The following FAM117B variants were observed in gnomAD, a reference collection of about 807,000 sequenced individuals.
The protein encoded by FAM117B is protein FAM117B.
In FAM117B, 22 loss-of-function variants were observed where a neutral mutation model predicts 52.8. The observed-to-expected ratio is 0.42, with a 90% CI of 0.30 to 0.59. The LOEUF (loss-of-function observed/expected upper bound fraction) is 0.59, where lower values mean the gene tolerates loss of function less well. Ranked by LOEUF, FAM117B falls within the 20% of genes least tolerant of loss-of-function variation. FAM117B has a pLI of 0.22. For synonymous variants in FAM117B, 309 were observed against 324.1 expected (o/e 0.95, Z 0.50); for missense variants, 678 against 802.6 (o/e 0.84, Z 1.88).
At chr2:202,673,433 G>GGTTTT (rs1690328728) in intron 1 of FAM117B, among the ~76,000 whole-genome samples, 1 of 37,510 alleles carries the variant, frequency 2.7e-5, no homozygotes, top group African/African-American at 1.6e-4. Context: ...TTCTTTTTCT[G>GGTTTT]TTTTTTTTTT....
chr2:202,712,419 C>CTTTTTTTTTTTTTTTT (rs1186703318), intron 2 of FAM117B, among the ~76,000 whole-genome samples: 1 of 89,458 alleles, frequency 1.1e-5, no homozygotes, highest in Non-Finnish European at 2.1e-5. Flanking sequence ...TATCAGCTCT[C>CTTTTTTTTTTTTTTTT]TTTTTTTTTT....
At chr2:202,656,569 AC>A (rs1690060330) in intron 1 of FAM117B, among the ~76,000 whole-genome samples, 1 of 152,138 alleles carries the variant, frequency 6.6e-6, no homozygotes, top group Non-Finnish European at 1.5e-5. Context: ...CAGAGAGCAT[AC>A]CTTATTTTAT....
At chr2:202,752,963 A>G (rs1691748736) in intron 4 of FAM117B, among the ~76,000 whole-genome samples, 2 of 152,230 alleles carry the variant, frequency 1.3e-5, no homozygotes, top group Non-Finnish European at 2.9e-5. Flanking sequence ...TATAGATTCA[A>G]TGCTATTCCC....
chr2:202,638,117 C>T (rs1689715063), intron 1 of FAM117B, among the ~76,000 whole-genome samples: 1 of 152,120 alleles, frequency 6.6e-6, no homozygotes, highest in South Asian at 2.1e-4. Flanking sequence ...CTCAGGTGAC[C>T]TGCCGACCTC....
At chr2:202,751,293 G>A (rs1385754392) in intron 4 of FAM117B, among the ~76,000 whole-genome samples, 1 of 152,120 alleles carries the variant, frequency 6.6e-6, no homozygotes, top group African/African-American at 2.4e-5. Context: ...GTGACTTAAA[G>A]TTTTATTGTC....
At chr2:202,752,074 C>G (rs1691733175) in intron 4 of FAM117B, among the ~76,000 whole-genome samples, 1 of 150,658 alleles carries the variant, frequency 6.6e-6, no homozygotes, top group African/African-American at 2.4e-5. Flanking sequence ...TTAGGAGACA[C>G]TATATGTGAA....
chr2:202,727,968 G>T (rs1243552344), intron 4 of FAM117B, among the ~76,000 whole-genome samples: 2 of 151,972 alleles, frequency 1.3e-5, no homozygotes, highest in Non-Finnish European at 2.9e-5. Flanking sequence ...GATTTCACAG[G>T]TTTATAGAGA....
At chr2:202,723,900 G>A (rs1460573942) in intron 2 of FAM117B, among the ~76,000 whole-genome samples, 1 of 152,078 alleles carries the variant, frequency 6.6e-6, no homozygotes, top group Non-Finnish European at 1.5e-5. Context: ...GTTTATATTA[G>A]CAAATTGCTC....
chr2:202,682,845 A>G (rs2105770974), intron 1 of FAM117B, among the ~76,000 whole-genome samples: 1 of 152,358 alleles, frequency 6.6e-6, no homozygotes, highest in African/African-American at 2.4e-5. Context: ...CTGAATGGTA[A>G]TGAAAGCACA....
At chr2:202,689,548 C>T (rs780737668) in intron 1 of FAM117B, among the ~76,000 whole-genome samples, 4 of 152,158 alleles carry the variant, frequency 2.6e-5, no homozygotes, top group Non-Finnish European at 4.4e-5. Context: ...AAAAATTTCT[C>T]TCCTTTCTGA....
intron 2 of FAM117B, among the ~76,000 whole-genome samples, chr2:202,713,795 C>G (rs183890201): frequency 6.6e-6 from 1 of 152,294 alleles, no homozygotes; most frequent in Non-Finnish European, 1.5e-5. Context: ...CAACCTCCAC[C>G]TCCTGGGTTC....
At chr2:202,648,527 C>CG (rs202023453) in intron 1 of FAM117B, among the ~76,000 whole-genome samples, 1 of 130,582 alleles carries the variant, frequency 7.7e-6, no homozygotes, top group African/African-American at 2.9e-5. Flanking sequence ...CACCCCCCCC[C>CG]CAAAACAAAA....
intron 4 of FAM117B, among the ~76,000 whole-genome samples, chr2:202,732,813 T>C (rs1348828279): frequency 6.8e-6 from 1 of 147,452 alleles, no homozygotes; most frequent in Non-Finnish European, 1.5e-5. Flanking sequence ...AGAGTGAGAC[T>C]CCATCTCAAT....
At chr2:202,683,154 C>A (rs745508314) in intron 1 of FAM117B, among the ~76,000 whole-genome samples, 11 of 152,066 alleles carry the variant, frequency 7.2e-5, no homozygotes, top group Non-Finnish European at 1.2e-4. Context: ...AAGGTGAAAC[C>A]CCATCTCTGC....
chr2:202,642,751 T>C (rs538940752), intron 1 of FAM117B, among the ~76,000 whole-genome samples: 4 of 152,282 alleles, frequency 2.6e-5, no homozygotes, highest in Admixed American at 1.3e-4. Flanking sequence ...AACATGTACA[T>C]CATGCTAGGC....
At position 202,678,516 on chromosome 2, in the gene FAM117B, G is replaced by T. The variant is rs555499759; in HGVS notation, c.602-17365G>T. ...AGCCATGTTGCCAGGCACATGTTGG[G>T]GCAAGGAAGAAGACAGTGGGAATCT... On this transcript the variant is annotated intron_variant, in intron 1 of 7. Transcript: ENST00000392238. 2.4e-4 allele frequency among the ~76,000 whole-genome samples: 37 copies of T among 152,260 alleles called. No homozygotes were observed. The South Asian group carries it at 7.5e-3, about 31-fold the overall frequency.
At chr2:202,723,221 T>A (rs146620751) in intron 2 of FAM117B, among the ~76,000 whole-genome samples, 1 of 152,302 alleles carries the variant, frequency 6.6e-6, no homozygotes, top group Non-Finnish European at 1.5e-5. Flanking sequence ...CTAATTAGAA[T>A]CACAGTGTCT....
chr2:202,665,186 CT>C (rs1052100943), intron 1 of FAM117B, among the ~76,000 whole-genome samples: 287 of 143,376 alleles, frequency 2.0e-3, no homozygotes, highest in Non-Finnish European at 1.8e-3. Context: ...TTTCTTTTTT[CT>C]TTTTTTTTTT....
chr2:202,677,063 C>CT (rs545082900), intron 1 of FAM117B, among the ~76,000 whole-genome samples: 12,189 of 140,526 alleles, frequency 0.087, 1,623 homozygotes, highest in African/African-American at 0.29. Flanking sequence ...GGTTTCTTTT[C>CT]TTTTTTTTTT....
Sources: gnomAD v4.1 joint callset for allele counts (sites outside exome capture counted in the v4.1 genomes callset) on GRCh38, gnomAD v4.1.1 for gene constraint, MANE v1.5 for transcripts, NCBI Gene and HGNC (gene_info 2026-07-23, HGNC 2026-07-21) for gene names.